The following IL1RAPL2 variants were observed in gnomAD, a reference collection of about 807,000 sequenced individuals.
IL1RAPL2 encodes interleukin 1 receptor accessory protein like 2, also known as X-linked interleukin-1 receptor accessory protein-like 2.
In IL1RAPL2, 3 loss-of-function variants were observed where a neutral mutation model predicts 44.1. The observed-to-expected ratio is 0.07, with a 90% CI of 0.03 to 0.18. The LOEUF is 0.18. Among genes scored for constraint, IL1RAPL2 ranks in the 10% least tolerant of loss-of-function variants. The pLI is 1.00. For missense variants in IL1RAPL2, 391 were observed against 496.4 expected, an observed-to-expected ratio of 0.79 and a Z score of 2.02; for synonymous variants, 181 against 178.8, an observed-to-expected ratio of 1.01 and a Z score of -0.10.
intron 6 of IL1RAPL2, among the ~76,000 whole-genome samples, chrX:105,513,474 G>A (rs1049269521): frequency 8.9e-6 from 1 of 111,825 alleles, no homozygotes; most frequent in African/African-American, 3.3e-5. Context: ...ACTGGCGTGA[G>A]ATGGTACCTC....
At chrX:105,291,455 A>G (rs1222999449) in intron 5 of IL1RAPL2, among the ~76,000 whole-genome samples, 2 of 111,838 alleles carry the variant, frequency 1.8e-5, no homozygotes, top group African/African-American at 3.2e-5. Context: ...ATGATAACCA[A>G]TTCTCAAAGT....
chrX:105,461,128 C>T (rs1019267709), intron 5 of IL1RAPL2, among the ~76,000 whole-genome samples: 4 of 111,826 alleles, frequency 3.6e-5, no homozygotes, highest in Non-Finnish European at 5.7e-5. Flanking sequence ...GTATCAAACA[C>T]TGCCTGGCAC....
intron 1 of IL1RAPL2, among the ~76,000 whole-genome samples, chrX:104,654,146 T>C (rs1930207636): frequency 9.0e-6 from 1 of 111,260 alleles, no homozygotes; most frequent in South Asian, 3.8e-4. Context: ...TTCAATTCCT[T>C]ACCCTTTTCA....
intron 5 of IL1RAPL2, among the ~76,000 whole-genome samples, chrX:105,417,193 G>T (rs1015931801): frequency 2.6e-4 from 29 of 112,502 alleles, no homozygotes; most frequent in African/African-American, 8.4e-4. Context: ...TATGAAGTAG[G>T]CCGGGCGCAG....
intron 2 of IL1RAPL2, among the ~76,000 whole-genome samples, chrX:104,891,176 G>A (rs770621431): frequency 2.7e-5 from 3 of 111,775 alleles, no homozygotes; most frequent in African/African-American, 9.8e-5. Context: ...TTTGGTACCA[G>A]TACCATGCTG....
intron 2 of IL1RAPL2, among the ~76,000 whole-genome samples, chrX:105,071,682 A>G (rs2032208582): frequency 8.9e-6 from 1 of 111,993 alleles, no homozygotes; most frequent in Admixed American, 9.5e-5. Flanking sequence ...ATACAGACCA[A>G]TGGAACAGAT....
At chrX:105,669,105 TC>T (rs1389780244) in intron 6 of IL1RAPL2, among the ~76,000 whole-genome samples, 1 of 111,898 alleles carries the variant, frequency 8.9e-6, no homozygotes, top group Non-Finnish European at 1.9e-5. Flanking sequence ...TTAGTTGATC[TC>T]TTTGTGATCT....
At chrX:104,850,087 T>G (rs1447704047) in intron 2 of IL1RAPL2, among the ~76,000 whole-genome samples, 1 of 112,060 alleles carries the variant, frequency 8.9e-6, no homozygotes, top group Non-Finnish European at 1.9e-5. Context: ...TGCTTTTAAA[T>G]TATGTTTTTG....
At chrX:104,837,841 T>C (rs1235170271) in intron 2 of IL1RAPL2, among the ~76,000 whole-genome samples, 1 of 112,174 alleles carries the variant, frequency 8.9e-6, no homozygotes, top group Non-Finnish European at 1.9e-5. Context: ...GGTTTTCTTC[T>C]AGGGTTTTTA....
chrX:104,585,819 TAC>T (rs1485590185), intron 1 of IL1RAPL2, among the ~76,000 whole-genome samples: 1 of 111,216 alleles, frequency 9.0e-6, no homozygotes. Context: ...GTATATGTAC[TAC>T]ATTTTCTTTA....
chrX:104,771,345 G>A, intron 2 of IL1RAPL2, among the ~76,000 whole-genome samples: 1 of 112,386 alleles, frequency 8.9e-6, no homozygotes. Flanking sequence ...ATAGGCTGCA[G>A]AATAAAGTAT....
At chrX:105,220,013 GCC>G in intron 3 of IL1RAPL2, 1 of 1,210,567 alleles carries the variant, frequency 8.3e-7, no homozygotes, top group South Asian at 1.8e-5. Context: ...GCCATTCTTA[GCC>G]GGGAGGCCGC....
intron 6 of IL1RAPL2, among the ~76,000 whole-genome samples, chrX:105,683,548 C>CA (rs35790786): frequency 2.7e-3 from 161 of 60,412 alleles, no homozygotes; most frequent in Non-Finnish European, 4.4e-3. Flanking sequence ...ATAGAACCTA[C>CA]AAAAAAAAAA....
At chrX:105,293,821 C>T (rs2034634403) in intron 5 of IL1RAPL2, among the ~76,000 whole-genome samples, 1 of 111,394 alleles carries the variant, frequency 9.0e-6, no homozygotes, top group African/African-American at 3.3e-5. Flanking sequence ...GCTCTAAGGA[C>T]CCTTTAAGCT....
At chrX:105,637,383 G>A (rs993623398) in intron 6 of IL1RAPL2, among the ~76,000 whole-genome samples, 2 of 111,735 alleles carry the variant, frequency 1.8e-5, no homozygotes, top group African/African-American at 6.5e-5. Context: ...ACTGATTGTA[G>A]GTCAGTTTCT....
At chrX:104,947,373 T>C (rs1925411751) in intron 2 of IL1RAPL2, among the ~76,000 whole-genome samples, 1 of 95,483 alleles carries the variant, frequency 1.0e-5, no homozygotes, top group Admixed American at 1.2e-4. Flanking sequence ...GGTTGCCTGT[T>C]CACTCTGATG....
chrX:104,641,144 G>A lies in IL1RAPL2; in HGVS notation c.-19-17751G>A, dbSNP rs746089016. Reference sequence around the variant, plus strand: ...GTTGGTAGTGGCTGTGGTGGGCTGGGTTGGTTACGCTTCAGGCCTGCAGGT... The same window carrying A: ...GTTGGTAGTGGCTGTGGTGGGCTGGATTGGTTACGCTTCAGGCCTGCAGGT... On this transcript the variant is annotated intron_variant, in intron 1 of 10. Coordinates refer to ENST00000372582, the MANE Select transcript of IL1RAPL2 (RefSeq NM_017416.2). 1.2e-3 allele frequency among the ~76,000 whole-genome samples: 140 copies of A among 112,020 alleles called. 1 individual carries two copies. The highest frequency in any genetic ancestry group is 2.2e-3 in the South Asian group (6 of 2,693).
intron 2 of IL1RAPL2, among the ~76,000 whole-genome samples, chrX:105,033,384 T>G (rs1255088005): frequency 8.1e-5 from 9 of 111,739 alleles, no homozygotes; most frequent in South Asian, 3.7e-4. Context: ...TCCATGTTTA[T>G]TGCTTCCTTC....
chrX:105,408,971 C>A (rs2035671966), intron 5 of IL1RAPL2, among the ~76,000 whole-genome samples: 1 of 110,571 alleles, frequency 9.0e-6, no homozygotes, highest in African/African-American at 3.3e-5. Flanking sequence ...TGTCTCTGAG[C>A]TTTAATGCCA....
Sources: gnomAD v4.1 joint callset for allele counts (sites outside exome capture counted in the v4.1 genomes callset) on GRCh38, gnomAD v4.1.1 for gene constraint, MANE v1.5 for transcripts, NCBI Gene and HGNC (gene_info 2026-07-23, HGNC 2026-07-21) for gene names.